RALY: variants seen among roughly 807,000 people sequenced by gnomAD.
The protein encoded by RALY is RALY heterogeneous nuclear ribonucleoprotein.
RALY carries 15 observed loss-of-function variants against 30.7 expected under a neutral mutation model. That is an observed-to-expected ratio of 0.49 (90% CI 0.33 to 0.75). The LOEUF (loss-of-function observed/expected upper bound fraction) is 0.75. Ranked by LOEUF, RALY falls within the 30% of genes least tolerant of loss-of-function variation. The pLI is 0.02. For synonymous variants in RALY, 177 were observed against 170.8 expected, an observed-to-expected ratio of 1.04 and a Z score of -0.28; for missense variants, 339 against 414.3, an observed-to-expected ratio of 0.82 and a Z score of 1.58.
chr20:34,026,348 C>A (rs1457513141), intron 1 of RALY, among the ~76,000 whole-genome samples: 1 of 151,920 alleles, frequency 6.6e-6, no homozygotes, highest in South Asian at 2.1e-4. Flanking sequence ...GGAAAAAGAT[C>A]TTTTCCAAAG....
At chr20:34,047,825 T>C (rs958449758) in intron 2 of RALY, among the ~76,000 whole-genome samples, 2 of 152,204 alleles carry the variant, frequency 1.3e-5, no homozygotes, top group African/African-American at 2.4e-5. Context: ...CTGTGGCTGT[T>C]AGCTCTTTGA....
chr20:34,044,913 G>GTTAT (rs1368645810), intron 2 of RALY, among the ~76,000 whole-genome samples: 1 of 152,110 alleles, frequency 6.6e-6, no homozygotes, highest in African/African-American at 2.4e-5. Flanking sequence ...CATGGAACTT[G>GTTAT]TTATTTATTT....
intron 1 of RALY, among the ~76,000 whole-genome samples, chr20:34,019,607 A>G (rs1400246760): frequency 6.6e-6 from 1 of 152,232 alleles, no homozygotes; most frequent in Non-Finnish European, 1.5e-5. Flanking sequence ...GTAGGCAGAC[A>G]CTGGGTGCTC....
At chr20:34,048,140 G>A (rs1033015651) in intron 2 of RALY, among the ~76,000 whole-genome samples, 1 of 152,178 alleles carries the variant, frequency 6.6e-6, no homozygotes, top group African/African-American at 2.4e-5. Context: ...GGGGATCCTA[G>A]CTTTGAAATT....
intron 2 of RALY, among the ~76,000 whole-genome samples, chr20:34,069,575 C>T (rs1174735635): frequency 6.6e-6 from 1 of 152,208 alleles, no homozygotes; most frequent in Non-Finnish European, 1.5e-5. Context: ...CTGATGCCCA[C>T]ACAGGGGCCC....
chr20:34,040,483 G>GAAT (rs1199593937), intron 2 of RALY, among the ~76,000 whole-genome samples: 2 of 152,144 alleles, frequency 1.3e-5, no homozygotes, highest in Non-Finnish European at 2.9e-5. Context: ...GATGCTCTTA[G>GAAT]AATAGCACAA....
intron 2 of RALY, among the ~76,000 whole-genome samples, chr20:34,050,606 A>G (rs2033045069): frequency 6.6e-6 from 1 of 152,166 alleles, no homozygotes; most frequent in South Asian, 2.1e-4. Flanking sequence ...GGCCCTTGTC[A>G]GGGTAGTCTC....
chr20:34,036,302 A>T (rs901241517), intron 2 of RALY, among the ~76,000 whole-genome samples: 1 of 152,136 alleles, frequency 6.6e-6, no homozygotes, highest in Non-Finnish European at 1.5e-5. Flanking sequence ...TTCCTAGTTT[A>T]TTGAGAGGTT....
chr20:34,073,787 A>G (rs903427054), intron 4 of RALY, 32 bp from the exon 5 acceptor site: 11 of 1,612,226 alleles, frequency 6.8e-6, no homozygotes, highest in Middle Eastern at 3.3e-4. Context: ...GGCCGTCCCT[A>G]AGCTCCAGCC....
At chr20:34,019,816 C>CT (rs2031747445) in intron 1 of RALY, among the ~76,000 whole-genome samples, 1 of 152,160 alleles carries the variant, frequency 6.6e-6, no homozygotes. Flanking sequence ...AATCCCAGCA[C>CT]TTTGGGAGGC....
chr20:34,052,290 A>G lies in RALY; in HGVS notation c.-9-19776A>G, dbSNP rs1188998394. 2.6e-5 allele frequency among the ~76,000 whole-genome samples: 4 copies of G among 152,142 alleles called. No homozygotes were observed. In the East Asian group the frequency reaches 7.7e-4, roughly 29 times the overall value. The stretch of plus-strand genomic sequence containing the variant: ...ATTTAACCTTGGAGCCCCTTTTTTG[A>G]GGAACTCTCATTAACATCTTGAGGA... On this transcript the variant is annotated intron_variant, in intron 2 of 9. Coordinates refer to ENST00000246194, the MANE Select transcript of RALY (RefSeq NM_016732.3).
intron 1 of RALY, among the ~76,000 whole-genome samples, chr20:34,001,809 C>G (rs1219605239): frequency 6.6e-6 from 1 of 152,094 alleles, no homozygotes; most frequent in African/African-American, 2.4e-5. Flanking sequence ...CTCTGTTGCT[C>G]AGGCTGGAGT....
intron 2 of RALY, among the ~76,000 whole-genome samples, chr20:34,036,140 A>T (rs1005172307): frequency 2.1e-5 from 3 of 143,526 alleles, no homozygotes; most frequent in African/African-American, 7.5e-5. Context: ...GACATCCATT[A>T]AAAAAAAAAA....
At chr20:34,010,693 AG>A (rs2031361831) in intron 1 of RALY, among the ~76,000 whole-genome samples, 1 of 152,206 alleles carries the variant, frequency 6.6e-6, no homozygotes, top group Non-Finnish European at 1.5e-5. Flanking sequence ...AGTAAGTGTT[AG>A]GAACTCAAAA....
intron 1 of RALY, among the ~76,000 whole-genome samples, chr20:34,025,686 TAAAA>T (rs1333077710): frequency 4.8e-5 from 7 of 144,842 alleles, no homozygotes; most frequent in South Asian, 2.2e-4. Flanking sequence ...CATGCTATTT[TAAAA>T]AAAAAAAAAA....
chr20:34,011,759 T>C (rs2031406545), intron 1 of RALY, among the ~76,000 whole-genome samples: 1 of 152,154 alleles, frequency 6.6e-6, no homozygotes, highest in Admixed American at 6.5e-5. Context: ...AGCTTTCTTG[T>C]AGGACCCTTA....
intron 5 of RALY, among the ~76,000 whole-genome samples, chr20:34,074,743 T>A (rs753093054): frequency 1.3e-5 from 2 of 152,236 alleles, no homozygotes; most frequent in Non-Finnish European, 2.9e-5. Context: ...CCTCCAGCTC[T>A]GGGATTCTGT....
At chr20:34,035,210 A>G (rs2032450283) in intron 2 of RALY, among the ~76,000 whole-genome samples, 1 of 139,354 alleles carries the variant, frequency 7.2e-6, no homozygotes, top group African/African-American at 2.5e-5. Context: ...CACTTAATTT[A>G]GGAGCAGCAC....
intron 1 of RALY, among the ~76,000 whole-genome samples, chr20:34,002,433 A>T (rs1021855195): frequency 2.0e-5 from 3 of 152,204 alleles, no homozygotes; most frequent in African/African-American, 7.2e-5. Context: ...AACCAACAAG[A>T]CATAATTCCT....
Sources: gnomAD v4.1 joint callset for allele counts (sites outside exome capture counted in the v4.1 genomes callset) on GRCh38, gnomAD v4.1.1 for gene constraint, MANE v1.5 for transcripts, NCBI Gene and HGNC (gene_info 2026-07-23, HGNC 2026-07-21) for gene names.